Variants in PLCL2 observed in about 807,000 individuals in gnomAD.
PLCL2 encodes the protein phospholipase C like 2.
PLCL2 carries 4 observed loss-of-function variants against 79.6 expected under a neutral mutation model. The ratio of observed to expected loss-of-function variants is 0.05; its 90% CI spans 0.02 to 0.11. The LOEUF (loss-of-function observed/expected upper bound fraction) is 0.11. Among genes scored for constraint, PLCL2 ranks in the 10% least tolerant of loss-of-function variants. The pLI, the probability that PLCL2 is intolerant of heterozygous loss-of-function variation, is 1.00. For synonymous variants in PLCL2, 484 were observed against 457.7 expected (o/e 1.06, Z -0.73); for missense variants, 895 against 1,291.0 (o/e 0.69, Z 4.70).
chr3:17,077,118 TC>T (rs1559541553), intron 5 of PLCL2, among the ~76,000 whole-genome samples: 2 of 152,184 alleles, frequency 1.3e-5, no homozygotes, highest in South Asian at 2.1e-4. Context: ...CTGTTTGAGT[TC>T]CCCTTTCCTG....
At chr3:17,067,060 A>G (rs1575613366) in intron 4 of PLCL2, among the ~76,000 whole-genome samples, 1 of 152,176 alleles carries the variant, frequency 6.6e-6, no homozygotes, top group Non-Finnish European at 1.5e-5. Flanking sequence ...CACCACATAC[A>G]TGTAAAATGA....
chr3:17,032,500 T>C (rs563248709), intron 3 of PLCL2, among the ~76,000 whole-genome samples: 1 of 152,260 alleles, frequency 6.6e-6, no homozygotes, highest in Admixed American at 6.5e-5. Flanking sequence ...ATCCTGTAGA[T>C]GTGCTTTTTT....
At chr3:16,940,805 AATGTGATGAGT>A (rs1697661775) in intron 1 of PLCL2, among the ~76,000 whole-genome samples, 1 of 152,192 alleles carries the variant, frequency 6.6e-6, no homozygotes, top group African/African-American at 2.4e-5. Flanking sequence ...ATAAAGATCA[AATGTGATGAGT>A]ATGTGATATA....
chr3:16,953,247 T>C (rs2063669690), intron 1 of PLCL2, among the ~76,000 whole-genome samples: 3 of 152,136 alleles, frequency 2.0e-5, no homozygotes. Context: ...GCATTATAAT[T>C]TTCTGGAGTA....
chr3:16,890,378 TTCC>T (rs1405025243), intron 1 of PLCL2, among the ~76,000 whole-genome samples: 1 of 152,264 alleles, frequency 6.6e-6, no homozygotes, highest in Non-Finnish European at 1.5e-5. Flanking sequence ...ATCTGTTCAC[TTCC>T]TTTTATAGTT....
In PLCL2 at chr3:16,956,425, G is replaced by C. The variant is rs1002310286; in HGVS notation, c.328-53249G>C. Among the ~76,000 whole-genome samples, 642 of 152,076 alleles carry C rather than the reference G, an allele frequency of 4.2e-3. 4 individuals are homozygous for C. The highest frequency in any genetic ancestry group is 0.014 in the African/African-American group (597 of 41,500). The stretch of plus-strand genomic sequence containing the variant: ...GCTTTTTGATGTGCTGCTGGATTCG[G>C]TTTGCCAGTATTTTATTGAGGATTT... On this transcript the variant is annotated intron_variant, in intron 1 of 5. Transcript: ENST00000615277.
At chr3:16,927,312 G>C (rs943459847) in intron 1 of PLCL2, among the ~76,000 whole-genome samples, 5 of 151,946 alleles carry the variant, frequency 3.3e-5, no homozygotes, top group Non-Finnish European at 5.9e-5. Flanking sequence ...ATAATATTAT[G>C]CTACAAATGT....
rs974748391 is a variant in PLCL2, at chr3:16,976,234, G to A, written c.328-33440G>A. On this transcript the variant is annotated intron_variant, in intron 1 of 5. Coordinates refer to ENST00000615277, the MANE Select transcript of PLCL2 (RefSeq NM_001144382.2). ...TGTGTGTGTGTCTGTGTATGTGTGT[G>A]TGGAGAGGGGTTGGGGAACATGGAA... 6.6e-5 allele frequency among the ~76,000 whole-genome samples: 10 copies of A among 152,304 alleles called. No individual in the cohort carries two copies. The South Asian group carries it at 1.9e-3, about 28-fold the overall frequency.
In PLCL2 at chr3:17,026,143, C is replaced by T. The variant is rs184046167; in HGVS notation, c.3018+11232C>T. Among the ~76,000 whole-genome samples the T allele has an allele frequency of 3.9e-5, 6 of 152,236 alleles. No individual in the cohort carries two copies. In the East Asian group the frequency reaches 5.8e-4, roughly 15 times the overall value. ...CCAGTAAGCTGATTTTACTACCAGA[C>T]GAATTTATCAGGAATAAAAATAGCA... On this transcript the variant is annotated intron_variant, in intron 3 of 5. Coordinates refer to ENST00000615277, the MANE Select transcript of PLCL2 (RefSeq NM_001144382.2).
chr3:16,959,876 C>G (rs765969886), intron 1 of PLCL2, among the ~76,000 whole-genome samples: 21 of 152,132 alleles, frequency 1.4e-4, no homozygotes, highest in Non-Finnish European at 2.6e-4. Flanking sequence ...TAGGCCGAGG[C>G]AGGCGGATCA....
chr3:16,916,948 T>A (rs1452385688), intron 1 of PLCL2, among the ~76,000 whole-genome samples: 1 of 152,154 alleles, frequency 6.6e-6, no homozygotes, highest in East Asian at 1.9e-4. Context: ...TCTCCCCACC[T>A]CCCCTTGCCT....
chr3:16,973,722 A>G (rs973061551), intron 1 of PLCL2, among the ~76,000 whole-genome samples: 1 of 152,108 alleles, frequency 6.6e-6, no homozygotes, highest in African/African-American at 2.4e-5. Context: ...TTACTTTCAT[A>G]TACTCATTCA....
At chr3:16,980,965 C>T (rs961638526) in intron 1 of PLCL2, among the ~76,000 whole-genome samples, 68 of 152,248 alleles carry the variant, frequency 4.5e-4, no homozygotes, top group Non-Finnish European at 7.3e-4. Context: ...GAAACCTCGT[C>T]TCCACCAAAA....
In PLCL2 at chr3:17,003,886, T is replaced by C. The variant is rs534412990; in HGVS notation, c.328-5788T>C. ...AGTGGCCCTGTTCTACCCCCAGTTTTTCTCAGGAGCACCCATGGAGAAGAT... is the reference window on the plus strand; with the variant it reads ...AGTGGCCCTGTTCTACCCCCAGTTTCTCTCAGGAGCACCCATGGAGAAGAT... On this transcript the variant is annotated intron_variant, in intron 1 of 5. Coordinates refer to ENST00000615277, the MANE Select transcript of PLCL2 (RefSeq NM_001144382.2). Among the ~76,000 whole-genome samples, 13 of 152,278 alleles carry C rather than the reference T, an allele frequency of 8.5e-5. No homozygotes were observed. In the East Asian group the frequency reaches 2.3e-3, roughly 27 times the overall value.
rs1196759965 is a variant in PLCL2 at position 16,985,252 on chromosome 3, A to G, written c.328-24422A>G. On this transcript the variant is annotated intron_variant, in intron 1 of 5. Coordinates refer to ENST00000615277, the MANE Select transcript of PLCL2 (RefSeq NM_001144382.2). ...CCTATAGCTCCCTGGGCATACCTCT[A>G]TATTAGCTTCTAATTACATTGTCTT... Among the ~76,000 whole-genome samples the G allele has an allele frequency of 2.0e-5, 3 of 152,234 alleles. No individual in the cohort carries two copies. In the East Asian group the frequency reaches 5.8e-4, roughly 29 times the overall value.
intron 1 of PLCL2, among the ~76,000 whole-genome samples, chr3:16,983,531 G>C (rs959118204): frequency 6.6e-6 from 1 of 152,174 alleles, no homozygotes; most frequent in South Asian, 2.1e-4. Context: ...TTAGTTGGGC[G>C]TGGTGGCCGG....
intron 1 of PLCL2, among the ~76,000 whole-genome samples, chr3:16,971,657 G>C (rs536660344): frequency 6.6e-6 from 1 of 152,100 alleles, no homozygotes; most frequent in Non-Finnish European, 1.5e-5. Context: ...CCATTTTCAC[G>C]ATATTGATTC....
At chr3:17,082,650 A>G (rs576909103) in intron 5 of PLCL2, among the ~76,000 whole-genome samples, 1 of 152,324 alleles carries the variant, frequency 6.6e-6, no homozygotes, top group East Asian at 1.9e-4. Context: ...GTTGAGAAAC[A>G]TAAGATTCAA....
chr3:17,013,264 A>T (rs2064347069), intron 2 of PLCL2, among the ~76,000 whole-genome samples: 1 of 152,196 alleles, frequency 6.6e-6, no homozygotes, highest in Non-Finnish European at 1.5e-5. Context: ...GTCTTTTCCA[A>T]AGCCTCATCT....
Sources: allele counts gnomAD v4.1 joint callset (sites outside exome capture counted in the v4.1 genomes callset), GRCh38; gene constraint gnomAD v4.1.1; transcripts MANE v1.5; gene names NCBI Gene and HGNC (gene_info 2026-07-23, HGNC 2026-07-21).